KMT2E: variants seen among roughly 807,000 people sequenced by gnomAD.
KMT2E encodes the protein lysine methyltransferase 2E (inactive).
In KMT2E, 30 loss-of-function variants were observed where a neutral mutation model predicts 184.6. That is an observed-to-expected ratio of 0.16 (90% CI 0.12 to 0.22). The LOEUF (loss-of-function observed/expected upper bound fraction) is 0.22, where lower values mean the gene tolerates loss of function less well. Among genes scored for constraint, KMT2E ranks in the 10% least tolerant of loss-of-function variants. KMT2E has a pLI of 1.00. For missense variants in KMT2E, 2,023 were observed against 2,237.4 expected (o/e 0.90, Z 1.93); for synonymous variants, 815 against 776.5 (o/e 1.05, Z -0.82).
chr7:105,069,626 T>A (rs1797196884), intron 6 of KMT2E, among the ~76,000 whole-genome samples: 1 of 152,264 alleles, frequency 6.6e-6, no homozygotes. Flanking sequence ...TTAAATGTTC[T>A]GAGTTGTAGA....
At chr7:105,073,278 T>C (rs1369575814) in intron 6 of KMT2E, among the ~76,000 whole-genome samples, 1 of 151,590 alleles carries the variant, frequency 6.6e-6, no homozygotes, top group African/African-American at 2.4e-5. Context: ...AGGCCTGTAG[T>C]CTCAGCTACT....
chr7:105,028,398 C>A (rs950591604), intron 1 of KMT2E, among the ~76,000 whole-genome samples: 11 of 152,168 alleles, frequency 7.2e-5, no homozygotes, highest in Non-Finnish European at 1.6e-4. Flanking sequence ...AACTCCTGGG[C>A]TCAAGTGATC....
chr7:105,085,014 T>G (rs998245738), intron 13 of KMT2E, among the ~76,000 whole-genome samples: 1 of 152,230 alleles, frequency 6.6e-6, no homozygotes, highest in Non-Finnish European at 1.5e-5. Flanking sequence ...ACTATCTACA[T>G]GCATATGCAT....
chr7:105,101,783 A>T, intron 16 of KMT2E, 103 bp from the exon 17 acceptor site: 5 of 1,108,448 alleles, frequency 4.5e-6, no homozygotes, highest in Middle Eastern at 6.0e-4. Context: ...ATCAGAATTC[A>T]AAAATTCCAG....
At chr7:105,096,237 G>GT (rs1798405092) in intron 15 of KMT2E, among the ~76,000 whole-genome samples, 1 of 107,902 alleles carries the variant, frequency 9.3e-6, no homozygotes, top group African/African-American at 3.9e-5. Context: ...CTGGGTGACA[G>GT]TGAAAGGCTC....
chr7:105,038,179 A>T lies in KMT2E; in HGVS notation c.-135A>T, dbSNP rs991323850. On this transcript the variant is annotated 5_prime_UTR_variant, in exon 2 of 27. Transcript: ENST00000311117. ...AGACATTTATTCTTTCTTGGACCTC[A>T]GATTTACCAGACATCTCATGGTATT... 6.6e-6 allele frequency: 1 copy of T among 152,202 alleles called. No individual in the cohort carries two copies. The highest frequency in any genetic ancestry group is 2.4e-5 in the African/African-American group (1 of 41,458). 9.4% of individuals were successfully genotyped at this position (152,202 alleles called of 1,614,324 possible).
intron 1 of KMT2E, among the ~76,000 whole-genome samples, chr7:105,029,153 C>T (rs757000623): frequency 9.9e-5 from 15 of 151,888 alleles, no homozygotes; most frequent in Admixed American, 3.9e-4. Context: ...AATCTAGCTA[C>T]GTGGGAGGCT....
chr7:105,024,425 T>G (rs921157295), intron 1 of KMT2E, among the ~76,000 whole-genome samples: 16 of 152,176 alleles, frequency 1.1e-4, no homozygotes, highest in Non-Finnish European at 1.9e-4. Flanking sequence ...AGAACTCCCA[T>G]CCTGGACGTG....
At chr7:105,093,301 A>G (rs1156398339) in intron 15 of KMT2E, among the ~76,000 whole-genome samples, 1 of 152,216 alleles carries the variant, frequency 6.6e-6, no homozygotes, top group Non-Finnish European at 1.5e-5. Context: ...AAACATTTGT[A>G]TGGGGCTACT....
At chr7:105,103,455 A>G (rs968763401) in intron 17 of KMT2E, 1 of 152,308 alleles carries the variant, frequency 6.6e-6, no homozygotes, top group East Asian at 1.9e-4. Context: ...TATGTATGTT[A>G]TTGAACTTTT....
intron 15 of KMT2E, among the ~76,000 whole-genome samples, chr7:105,100,896 C>G (rs1422813109): frequency 1.3e-5 from 2 of 152,066 alleles, no homozygotes; most frequent in African/African-American, 4.8e-5. Context: ...CCACATCTTA[C>G]TGTCTCAGAA....
At chr7:105,025,637 T>A (rs1795146088) in intron 1 of KMT2E, among the ~76,000 whole-genome samples, 1 of 152,176 alleles carries the variant, frequency 6.6e-6, no homozygotes, top group Non-Finnish European at 1.5e-5. Flanking sequence ...TTGAGATGAA[T>A]GCTCATGGAA....
At position 105,090,243 on chromosome 7, in the gene KMT2E, T is replaced by C; in HGVS notation, c.1593T>C (p.Ser531=). ...KSPETKQRKL[S]PLRLSVSNNQ... ...CAGAAACTAAACAAAGAAAGCTTTCTCCACTGAGACTATCAGTATCAAATA... is the reference window on the plus strand; with the variant it reads ...CAGAAACTAAACAAAGAAAGCTTTCCCCACTGAGACTATCAGTATCAAATA... The change falls in exon 14 of 27, where the codon TCT becomes TCC. Residue 531 remains serine (S), a synonymous_variant. Transcript: ENST00000311117. 6.2e-7 allele frequency: 1 copy of C among 1,601,900 alleles called. No homozygotes were observed. Among genetic ancestry groups the C allele is most frequent in the Non-Finnish European group, 8.5e-7 (1 of 1,177,140 alleles).
At chr7:105,058,489 T>C (rs1269153768) in intron 3 of KMT2E, among the ~76,000 whole-genome samples, 3 of 152,220 alleles carry the variant, frequency 2.0e-5, no homozygotes, top group African/African-American at 7.2e-5. Flanking sequence ...TTATTCCTTC[T>C]GCATTTTTTA....
chr7:105,079,814 C>T (rs1797684231), intron 12 of KMT2E, among the ~76,000 whole-genome samples: 1 of 144,000 alleles, frequency 6.9e-6, no homozygotes. Flanking sequence ...ATGAGCCTGC[C>T]CGGACTTTTT....
chr7:105,112,453 T>C lies in KMT2E; in HGVS notation c.4697T>C (p.Phe1566Ser), dbSNP rs1166990406. The C allele has an allele frequency of 1.4e-5, 22 of 1,613,368 alleles. 1 individual carries two copies. In the Admixed American group the frequency reaches 3.7e-4, roughly 27 times the overall value. ...YYQNQQPSAN[F>S]QNYNQLKGSL... ...CAAAACCAGCAGCCCTCTGCAAACT[T>C]TCAGAATTATAATCAGCTCAAAGGT... Residue 1566 changes from phenylalanine (F) to serine (S), a missense_variant, in exon 27 of 27, where the codon TTT (phenylalanine) becomes TCT (serine). By Grantham distance (155) the Phe-to-Ser change is radical. Coordinates refer to ENST00000311117, the MANE Select transcript of KMT2E (RefSeq NM_182931.3).
At position 105,050,646 on chromosome 7, in the gene KMT2E, TTTTCTTTCTTTCTTTCTTTTTTC is replaced by T. The variant is rs1268917819; in HGVS notation, c.71+9643_71+9665del. Among the ~76,000 whole-genome samples the T allele has an allele frequency of 3.9e-4, 33 of 85,210 alleles. No homozygotes were observed. In the South Asian group the frequency reaches 4.7e-3, roughly 12 times the overall value. The allele number at this position is 85,210 out of a possible 152,430, so 55.9% of individuals were successfully genotyped here. On this transcript the variant is annotated intron_variant, in intron 3 of 26. Transcript: ENST00000311117. ...CTTTTCTTTTCTTTTCTCTTTTCTT[TTTTCTTTCTTTCTTTCTTTTTTC>T]TTTCTTTCTTTCTTTCTTTCTCTTT... is the stretch of plus-strand genomic sequence containing the variant.
intron 19 of KMT2E, 63 bp from the exon 20 acceptor site, chr7:105,106,459 C>T: frequency 1.4e-6 from 2 of 1,412,938 alleles, no homozygotes; most frequent in South Asian, 1.2e-5. Flanking sequence ...CAGAATGTGA[C>T]ACAAACAGAT....
intron 1 of KMT2E, among the ~76,000 whole-genome samples, chr7:105,015,497 T>C (rs888521235): frequency 1.3e-5 from 2 of 152,170 alleles, no homozygotes; most frequent in African/African-American, 4.8e-5. Flanking sequence ...GAGATGTGAA[T>C]AAGGTAAGGT....
Sources: allele counts gnomAD v4.1 joint callset (sites outside exome capture counted in the v4.1 genomes callset), GRCh38; gene constraint gnomAD v4.1.1; transcripts MANE v1.5; gene names NCBI Gene and HGNC (gene_info 2026-07-23, HGNC 2026-07-21).